ZBED6: variants seen among roughly 807,000 people sequenced by gnomAD.
ZBED6 encodes the protein zinc finger BED-type containing 6, also known as zinc finger BED domain-containing protein 6.
A neutral mutation model predicts 58.4 loss-of-function variants in ZBED6; 40 were observed. The ratio of observed to expected loss-of-function variants is 0.68; its 90% confidence interval spans 0.53 to 0.89. ZBED6 has a LOEUF of 0.89. Among genes scored for constraint, ZBED6 ranks in the 40% least tolerant of loss-of-function variants. ZBED6 has a pLI of 0.00. For synonymous variants in ZBED6, 439 were observed against 350.6 expected (o/e 1.25, Z -2.82); for missense variants, 1,057 against 1,003.9 (o/e 1.05, Z -0.71).
At chr1:203,835,062 C>G (rs1558129903) in intron 9 of ZBED6, among the ~76,000 whole-genome samples, 1 of 152,248 alleles carries the variant, frequency 6.6e-6, no homozygotes, top group Admixed American at 6.5e-5. Flanking sequence ...GCAGTTCTCA[C>G]TACCCTATCT....
At chr1:203,847,665 G>A (rs144891019) in exon 12 of ZBED6, 7 of 1,612,256 alleles carry the variant, frequency 4.3e-6, no homozygotes, top group Non-Finnish European at 5.9e-6. Context: ...CAAGGCGGCT[G>A]CTGCGAATCA....
chr1:203,814,123 C>T (rs1434146569), intron 1 of ZBED6, among the ~76,000 whole-genome samples: 1 of 152,138 alleles, frequency 6.6e-6, no homozygotes, highest in African/African-American at 2.4e-5. Context: ...CTGTTCCTTC[C>T]ACACTTTGCT....
chr1:203,829,850 A>G lies in ZBED6; in HGVS notation c.*3272A>G, dbSNP rs201157723. 3.2e-5 allele frequency: 52 copies of G among 1,614,196 alleles called. No homozygotes were observed. In the Admixed American group the frequency reaches 8.2e-4, roughly 25 times the overall value. On this transcript the variant is annotated 3_prime_UTR_variant, in exon 6 of 17. Transcript: ENST00000550078. ...AACCAACTCCTGAAGTTCACAATGG[A>G]TTACGAGTGACTTCTGTCCGGAAAC...
At chr1:203,818,185 A>G (rs1246161610) in intron 2 of ZBED6, among the ~76,000 whole-genome samples, 1 of 152,090 alleles carries the variant, frequency 6.6e-6, no homozygotes, top group Non-Finnish European at 1.5e-5. Context: ...TATATTGTAT[A>G]TATGTTAATT....
chr1:203,828,718 A>G (rs1245188724), intron 4 of ZBED6, among the ~76,000 whole-genome samples: 1 of 152,224 alleles, frequency 6.6e-6, no homozygotes, highest in African/African-American at 2.4e-5. Flanking sequence ...AAGGTTGGCA[A>G]AACTGGTCCT....
At chr1:203,841,828 T>C (rs1371535199) in intron 11 of ZBED6, among the ~76,000 whole-genome samples, 7 of 141,980 alleles carry the variant, frequency 4.9e-5, no homozygotes, top group Non-Finnish European at 9.4e-5. Context: ...GCGGAGGGGC[T>C]CCTCACTTCG....
chr1:203,833,637 GATATA>G (rs1324496967), intron 8 of ZBED6, among the ~76,000 whole-genome samples, 149 bp from the exon 9 acceptor site: 2 of 62,238 alleles, frequency 3.2e-5, no homozygotes, highest in African/African-American at 1.0e-4. Flanking sequence ...TTTTTTTTTT[GATATA>G]ATGGCCTTCC....
rs77590472 is a variant in ZBED6 at position 203,826,767 on chromosome 1, G to A, written c.*2874-1532G>A. ...GAGATTCGACATAATGCAGTTCATC[G>A]GAGGTTAGTTAGTTTTTGGGAGTAC... On this transcript the variant is annotated intron_variant, in intron 3 of 16. Transcript: ENST00000550078. Among the ~76,000 whole-genome samples the A allele has an allele frequency of 2.1e-3, 322 of 152,200 alleles. 1 individual carries two copies. The highest frequency in any genetic ancestry group is 3.6e-3 in the Non-Finnish European group (248 of 68,000).
chr1:203,839,335 C>A (rs1332953892), intron 10 of ZBED6, among the ~76,000 whole-genome samples: 1 of 152,116 alleles, frequency 6.6e-6, no homozygotes, highest in Non-Finnish European at 1.5e-5. Flanking sequence ...CACTATTGCG[C>A]CCCTCAGGGA....
chr1:203,833,881 CT>C, intron 9 of ZBED6, 28 bp downstream of exon 9: 1 of 1,590,718 alleles, frequency 6.3e-7, no homozygotes, highest in East Asian at 2.3e-5. Flanking sequence ...TATATCTTTT[CT>C]TTTCTACTTG....
intron 10 of ZBED6, among the ~76,000 whole-genome samples, chr1:203,839,868 A>G (rs917415886): frequency 2.6e-5 from 4 of 152,146 alleles, no homozygotes; most frequent in Non-Finnish European, 5.9e-5. Flanking sequence ...CAGTAGCGCT[A>G]TCTCAGCTCA....
At chr1:203,848,503 A>G (rs1688480764) in intron 13 of ZBED6, 96 bp downstream of exon 13, 3 of 843,796 alleles carry the variant, frequency 3.6e-6, no homozygotes, top group African/African-American at 3.5e-5. Flanking sequence ...TACTTCATTC[A>G]TATATTAGGT....
chr1:203,828,177 C>T lies in ZBED6; in HGVS notation c.*2874-122C>T, dbSNP rs1001393928. ...AGCAATCTCTCTTCCTTCTAAAAAT[C>T]ATCTCATCTCACATGCCTCGGATTT... On this transcript the variant is annotated intron_variant, in intron 3 of 16. Transcript: ENST00000550078. 5 of 1,125,220 alleles carry T rather than the reference C, an allele frequency of 4.4e-6. No individual in the cohort carries two copies. In the African/African-American group the frequency reaches 7.8e-5, roughly 18 times the overall value. 69.7% of individuals were successfully genotyped at this position (1,125,220 alleles called of 1,614,324 possible).
At chr1:203,820,008 G>A (rs1215332144) in intron 3 of ZBED6, among the ~76,000 whole-genome samples, 1 of 150,686 alleles carries the variant, frequency 6.6e-6, no homozygotes, top group Non-Finnish European at 1.5e-5. Flanking sequence ...AGGCTGAGGC[G>A]GGTGAATCAT....
At chr1:203,804,933 A>C (rs2102493734) in intron 1 of ZBED6, among the ~76,000 whole-genome samples, 1 of 151,972 alleles carries the variant, frequency 6.6e-6, no homozygotes, top group East Asian at 1.9e-4. Flanking sequence ...TCGGCCTCCT[A>C]AAGTGCTGGG....
At position 203,840,487 on chromosome 1, in the gene ZBED6, T is replaced by G; in HGVS notation, c.*3741+113T>G. ...AGGGCTTTTGATTTTTGTTCTTTTGTAGTTCTGTTTGTTTTTTAAGTAATT... is the reference window on the plus strand; with the variant it reads ...AGGGCTTTTGATTTTTGTTCTTTTGGAGTTCTGTTTGTTTTTTAAGTAATT... On this transcript the variant is annotated intron_variant, in intron 11 of 16. Coordinates refer to ENST00000550078, the Ensembl canonical transcript of ZBED6. 16 of 1,052,490 alleles carry G rather than the reference T, an allele frequency of 1.5e-5. No homozygotes were observed. In the South Asian group the frequency reaches 2.6e-4, roughly 17 times the overall value. The allele number at this position is 1,052,490 out of a possible 1,614,324, so 65.2% of individuals were successfully genotyped here. A position where few individuals can be genotyped will look rare whatever the true frequency, so the allele number is the denominator to read the frequency against.
At chr1:203,834,974 C>G (rs1389136476) in intron 9 of ZBED6, among the ~76,000 whole-genome samples, 1 of 152,180 alleles carries the variant, frequency 6.6e-6, no homozygotes, top group Admixed American at 6.5e-5. Flanking sequence ...TTTTTTCTGA[C>G]TTCAGAATTT....
chr1:203,830,157 G>A (rs1159111192), exon 7 of ZBED6: 2 of 1,597,040 alleles, frequency 1.3e-6, no homozygotes, highest in African/African-American at 2.7e-5. Context: ...AAACTCTTGA[G>A]GAAATTAAGT....
intron 4 of ZBED6, chr1:203,829,128 T>A (rs1008100818): frequency 7.5e-5 from 24 of 317,962 alleles, no homozygotes; most frequent in Middle Eastern, 9.5e-4. Context: ...AGAAGCTACT[T>A]CTTTGCTGAG....
Sources: allele counts gnomAD v4.1 joint callset (sites outside exome capture counted in the v4.1 genomes callset), GRCh38; gene constraint gnomAD v4.1.1; transcripts MANE v1.5; gene names NCBI Gene and HGNC (gene_info 2026-07-23, HGNC 2026-07-21).